PDE12: variants seen among roughly 807,000 people sequenced by gnomAD.
PDE12 encodes 2',5'-phosphodiesterase 12.
A neutral mutation model predicts 45.4 loss-of-function variants in PDE12; 26 were observed. The observed-to-expected ratio is 0.57, with a 90% CI of 0.42 to 0.79. The LOEUF (loss-of-function observed/expected upper bound fraction) is 0.79. Among genes scored for constraint, PDE12 ranks in the 30% least tolerant of loss-of-function variants. PDE12 has a pLI of 0.00. For missense variants in PDE12, 668 were observed against 790.0 expected (o/e 0.85, Z 1.85); for synonymous variants, 283 against 323.9 (o/e 0.87, Z 1.36).
At chr3:57,609,026 A>C in the PDE12 span, among the ~76,000 whole-genome samples, 1 of 152,220 alleles carries the variant, frequency 6.6e-6, no homozygotes, top group African/African-American at 2.4e-5. Context: ...AGAAATTATA[A>C]CAAACTGTCT....
At chr3:57,568,703 G>A (rs2069808624), downstream of PDE12, among the ~76,000 whole-genome samples, 1 of 151,560 alleles carries the variant, frequency 6.6e-6, no homozygotes, top group African/African-American at 2.4e-5. Flanking sequence ...TTACAGGCAT[G>A]AGCTACCATG....
At chr3:57,624,779 A>G in the PDE12 span, among the ~76,000 whole-genome samples, 21 of 152,198 alleles carry the variant, frequency 1.4e-4, no homozygotes, top group East Asian at 4.1e-3. Context: ...AAAAAAAAGA[A>G]TAATATAATG....
Position 57,560,954 on chromosome 3 carries a change from A to G in PDE12, c.*950A>G, listed in dbSNP as rs895383619. ...CAATTGTTATTGCTTCTCATCTTTC[A>G]TTTTTCAATGAACAAGTAAGGTATT... On this transcript the variant is annotated 3_prime_UTR_variant, in exon 3 of 3. Coordinates refer to ENST00000311180, the MANE Select transcript of PDE12 (RefSeq NM_177966.7). The G allele has an allele frequency of 3.1e-6, 3 of 979,896 alleles. No homozygotes were observed. The African/African-American group carries it at 5.3e-5, about 17-fold the overall frequency. The allele number at this position is 979,896 out of a possible 1,614,324, so 60.7% of individuals were successfully genotyped here.
chr3:57,614,130 T>G, the PDE12 span, among the ~76,000 whole-genome samples: 1 of 152,096 alleles, frequency 6.6e-6, no homozygotes, highest in East Asian at 1.9e-4. Context: ...GCAGAAAATC[T>G]GACATGAACA....
the PDE12 span, among the ~76,000 whole-genome samples, chr3:57,650,153 G>C: frequency 4.6e-5 from 7 of 151,918 alleles, no homozygotes; most frequent in Admixed American, 2.6e-4. Flanking sequence ...AGGGAGGGAG[G>C]GGGTGAGGGA....
chr3:57,598,375 T>C, the PDE12 span, among the ~76,000 whole-genome samples: 1 of 152,184 alleles, frequency 6.6e-6, no homozygotes, highest in Admixed American at 6.5e-5. Flanking sequence ...TCAGAAACAG[T>C]AAGTTATTTT....
chr3:57,578,163 G>A, the PDE12 span, among the ~76,000 whole-genome samples: 1 of 152,146 alleles, frequency 6.6e-6, no homozygotes, highest in Non-Finnish European at 1.5e-5. Flanking sequence ...GTACACTACA[G>A]TTTTTATCTG....
chr3:57,630,780 T>C, the PDE12 span: 4 of 1,613,954 alleles, frequency 2.5e-6, no homozygotes, highest in Non-Finnish European at 3.4e-6. Flanking sequence ...TCTCAAGTGT[T>C]TTCATAAATT....
Position 57,557,169 on chromosome 3 carries a change from T to G in PDE12, c.790T>G (p.Leu264Val). 6.2e-7 allele frequency: 1 copy of G among 1,613,962 alleles called. No individual in the cohort carries two copies. The highest frequency in any genetic ancestry group is 2.2e-5 in the East Asian group (1 of 44,858). Residue 264 changes from leucine (L) to valine (V), a missense_variant, in exon 1 of 3, where the codon TTG becomes GTG. Transcript: ENST00000311180. ...GCAGCGCTTTGGGCACAGCCGGGAG[T>G]TGGAAAGTGTGTGTGTGGTAGAGGC... ...DGQRFGHSRE[L>V]ESVCVVEAGP...
the PDE12 span, among the ~76,000 whole-genome samples, chr3:57,620,272 C>T: frequency 3.3e-5 from 5 of 151,428 alleles, no homozygotes; most frequent in East Asian, 1.9e-4. Context: ...AACAAAGAGC[C>T]GGACAAAGTG....
the PDE12 span, chr3:57,626,114 T>C: frequency 6.6e-6 from 1 of 152,644 alleles, no homozygotes; most frequent in Non-Finnish European, 1.5e-5. Flanking sequence ...TTTCACAAAA[T>C]AACTCATATG....
chr3:57,630,644 A>C, the PDE12 span: 1 of 1,552,994 alleles, frequency 6.4e-7, no homozygotes, highest in Non-Finnish European at 8.7e-7. Flanking sequence ...GAATAAGCTT[A>C]AGTTTAGCTT....
At chr3:57,601,946 G>C in the PDE12 span, among the ~76,000 whole-genome samples, 1 of 151,148 alleles carries the variant, frequency 6.6e-6, no homozygotes, top group Non-Finnish European at 1.5e-5. Flanking sequence ...GTAGAGATGG[G>C]GTTTCACTGT....
the PDE12 span, among the ~76,000 whole-genome samples, chr3:57,620,057 A>G: frequency 1.3e-5 from 2 of 150,594 alleles, no homozygotes; most frequent in Non-Finnish European, 3.0e-5. Context: ...CCCCATTTCA[A>G]CTGAAAATAC....
the PDE12 span, among the ~76,000 whole-genome samples, chr3:57,609,559 C>T: frequency 2.2e-4 from 34 of 152,172 alleles, no homozygotes; most frequent in Admixed American, 8.5e-4. Context: ...GATATCACCA[C>T]CAATCCCACA....
chr3:57,615,100 A>T, the PDE12 span, among the ~76,000 whole-genome samples: 96 of 151,824 alleles, frequency 6.3e-4, no homozygotes, highest in Middle Eastern at 3.4e-3. Context: ...TTTAGTAGAG[A>T]CGGGGTTTCA....
chr3:57,557,196 G>C lies in PDE12; in HGVS notation c.817G>C (p.Gly273Arg). ...GGAAAGTGTGTGTGTGGTAGAGGCT[G>C]GGCCTGGCACCTGCACTTTTGACCA... ...ELESVCVVEAGPGTCTFDHRH... is the reference protein window; with the variant it reads ...ELESVCVVEARPGTCTFDHRH... The change falls in exon 1 of 3, where the codon GGG (glycine) becomes CGG (arginine). Residue 273 changes from glycine to arginine, a missense_variant. Coordinates refer to ENST00000311180, the MANE Select transcript of PDE12 (RefSeq NM_177966.7). The C allele has an allele frequency of 1.9e-6, 3 of 1,613,994 alleles. No individual in the cohort carries two copies. Among genetic ancestry groups the C allele is most frequent in the Non-Finnish European group, 2.5e-6 (3 of 1,179,990 alleles).
the PDE12 span, chr3:57,572,202 C>G: frequency 2.5e-6 from 4 of 1,608,296 alleles, no homozygotes; most frequent in Admixed American, 1.7e-5. Context: ...GGTTAGATAT[C>G]CAATTTCATT....
chr3:57,571,432 G>C (rs113261357), downstream of PDE12: 2 of 152,632 alleles, frequency 1.3e-5, no homozygotes, highest in African/African-American at 4.8e-5. Context: ...CATCGAATTT[G>C]ATGAGTTTTC....
Sources: gnomAD v4.1 joint callset for allele counts (sites outside exome capture counted in the v4.1 genomes callset) on GRCh38, gnomAD v4.1.1 for gene constraint, MANE v1.5 for transcripts, NCBI Gene and HGNC (gene_info 2026-07-23, HGNC 2026-07-21) for gene names.